The following GMDS variants were observed in gnomAD, a reference collection of about 807,000 sequenced individuals.
The protein encoded by GMDS is GDP-mannose 4,6 dehydratase.
A neutral mutation model predicts 49.9 loss-of-function variants in GMDS; 20 were observed. That is an observed-to-expected ratio of 0.40 (90% confidence interval 0.28 to 0.58). The LOEUF is 0.58. GMDS is among the 20% of genes least tolerant of loss of function. The pLI is 0.42. For synonymous variants in GMDS, 177 were observed against 178.6 expected (o/e 0.99, Z 0.07); for missense variants, 362 against 481.4 (o/e 0.75, Z 2.32).
intron 4 of GMDS, among the ~76,000 whole-genome samples, chr6:2,094,902 G>C (rs774865454): frequency 6.6e-6 from 1 of 152,146 alleles, no homozygotes; most frequent in African/African-American, 2.4e-5. Context: ...TACATTTCTT[G>C]ATGTGTTAAA....
rs202242044 is a variant in GMDS, at chr6:1,827,375, G to A, written c.772-84789C>T. On this transcript the variant is annotated intron_variant, in intron 7 of 10. Coordinates refer to ENST00000380815, the MANE Select transcript of GMDS (RefSeq NM_001500.4). ...TTTTGGAAAACCTGTATATACACAC[G>A]TTTTGGAAAACCTGTATATACACAC... Among the ~76,000 whole-genome samples the A allele has an allele frequency of 1.7e-3, 51 of 29,620 alleles. 3 individuals are homozygous for A. The East Asian group carries it at 0.039, about 23-fold the overall frequency. The allele number at this position is 29,620 out of a possible 152,430, so 19.4% of individuals were successfully genotyped here.
intron 6 of GMDS, among the ~76,000 whole-genome samples, chr6:1,958,857 T>C (rs2628449): frequency 0.63 from 95,402 of 152,054 alleles, 29,961 homozygotes; most frequent in Admixed American, 0.66. Context: ...TTACAGATAA[T>C]TTTTACTTTG....
chr6:1,768,790 T>C (rs1370882167), intron 7 of GMDS, among the ~76,000 whole-genome samples: 1 of 152,246 alleles, frequency 6.6e-6, no homozygotes. Flanking sequence ...TATTTTGCTT[T>C]GATTTAAACA....
At chr6:1,735,665 C>T (rs2113467261) in intron 8 of GMDS, among the ~76,000 whole-genome samples, 1 of 152,288 alleles carries the variant, frequency 6.6e-6, no homozygotes, top group South Asian at 2.1e-4. Context: ...CATGCCCTCC[C>T]ACCCACCTGG....
intron 9 of GMDS, among the ~76,000 whole-genome samples, chr6:1,690,423 C>A (rs1359781775): frequency 6.6e-6 from 1 of 152,142 alleles, no homozygotes; most frequent in Non-Finnish European, 1.5e-5. Flanking sequence ...GGTCAAGTTT[C>A]AATTTTTTGC....
chr6:2,218,446 T>C (rs1780436213), intron 1 of GMDS, among the ~76,000 whole-genome samples: 1 of 152,202 alleles, frequency 6.6e-6, no homozygotes. Flanking sequence ...ACAAACCAGT[T>C]AGATCAGATC....
chr6:2,159,225 G>T (rs887164862), intron 1 of GMDS, among the ~76,000 whole-genome samples: 1 of 152,052 alleles, frequency 6.6e-6, no homozygotes, highest in African/African-American at 2.4e-5. Flanking sequence ...TGAGGGGGAG[G>T]AGACAGAGGG....
intron 9 of GMDS, among the ~76,000 whole-genome samples, chr6:1,721,886 A>T (rs2113425329): frequency 6.6e-6 from 1 of 152,222 alleles, no homozygotes; most frequent in Middle Eastern, 3.4e-3. Flanking sequence ...CAGAAACAGG[A>T]TCAGAAAGGC....
At chr6:1,837,377 T>C (rs1315907997) in intron 7 of GMDS, among the ~76,000 whole-genome samples, 8 of 152,198 alleles carry the variant, frequency 5.3e-5, no homozygotes, top group Non-Finnish European at 2.9e-5. Flanking sequence ...AATGTGGTCT[T>C]TGCAGAATGG....
intron 1 of GMDS, among the ~76,000 whole-genome samples, chr6:2,212,558 A>G (rs1018596544): frequency 6.6e-6 from 1 of 152,204 alleles, no homozygotes; most frequent in Non-Finnish European, 1.5e-5. Flanking sequence ...CTAACTGCAC[A>G]GCCCCAAACC....
At chr6:1,687,738 G>A (rs1765028291) in intron 9 of GMDS, among the ~76,000 whole-genome samples, 1 of 152,170 alleles carries the variant, frequency 6.6e-6, no homozygotes. Flanking sequence ...GACTGAAAGA[G>A]TGTGGGGAGC....
intron 7 of GMDS, among the ~76,000 whole-genome samples, chr6:1,817,355 A>G (rs1770715841): frequency 6.6e-6 from 1 of 152,186 alleles, no homozygotes; most frequent in Admixed American, 6.5e-5. Context: ...TCTTCCCCCC[A>G]CGTATAATAA....
At chr6:2,043,101 G>A (rs998493858) in intron 4 of GMDS, among the ~76,000 whole-genome samples, 4 of 152,190 alleles carry the variant, frequency 2.6e-5, no homozygotes, top group South Asian at 4.1e-4. Context: ...GGGTCCTGCA[G>A]CAAGCAGAAG....
intron 7 of GMDS, among the ~76,000 whole-genome samples, chr6:1,807,081 T>G (rs1770208019): frequency 6.6e-6 from 1 of 152,150 alleles, no homozygotes; most frequent in African/African-American, 2.4e-5. Context: ...CTTGCTGTGT[T>G]GTCCAGGCTG....
chr6:1,930,592 T>C (rs1040118947), intron 6 of GMDS: 3 of 171,806 alleles, frequency 1.7e-5, no homozygotes, highest in South Asian at 1.8e-4. Context: ...TAAAGGGAAA[T>C]GCCAGAATGG....
intron 7 of GMDS, among the ~76,000 whole-genome samples, chr6:1,841,619 C>A (rs115766371): frequency 1.3e-5 from 2 of 152,154 alleles, no homozygotes; most frequent in African/African-American, 4.8e-5. Flanking sequence ...ATGGGTAACA[C>A]AACAAATTAA....
At position 1,640,002 on chromosome 6, in the gene GMDS, T is replaced by G. The variant is rs6903343; in HGVS notation, c.988-15462A>C. 6.6e-6 allele frequency among the ~76,000 whole-genome samples: 1 copy of G among 152,198 alleles called. No individual in the cohort carries two copies. Among genetic ancestry groups the G allele is most frequent in the South Asian group, 2.1e-4 (1 of 4,834 alleles). ...TGATGTATAAGCCTGTTGAATGATA[T>G]CGACCAATGCTAAAGATCAGAGATA... On this transcript the variant is annotated intron_variant, in intron 9 of 10. Coordinates refer to ENST00000380815, the MANE Select transcript of GMDS (RefSeq NM_001500.4). The surrounding 1 kb of genome is among the most constrained non-coding windows in gnomAD (Gnocchi z 4.0).
At chr6:1,658,435 C>T (rs77060046) in intron 9 of GMDS, among the ~76,000 whole-genome samples, 1,726 of 152,374 alleles carry the variant, frequency 0.011, 33 homozygotes, top group African/African-American at 0.039. Flanking sequence ...CACAGCCCAG[C>T]GCTCTGCCTA....
intron 1 of GMDS, among the ~76,000 whole-genome samples, chr6:2,187,583 T>C (rs74357103): frequency 0.018 from 2,785 of 152,322 alleles, 105 homozygotes; most frequent in Admixed American, 0.075. Flanking sequence ...TCCTATCCTA[T>C]GAGAGTGGTG....
Sources: gnomAD v4.1 joint callset for allele counts (sites outside exome capture counted in the v4.1 genomes callset) on GRCh38, gnomAD v4.1.1 for gene constraint, Gnocchi (gnomAD v3.1) non-coding constraint, MANE v1.5 for transcripts, NCBI Gene and HGNC (gene_info 2026-07-23, HGNC 2026-07-21) for gene names.